The following SLC22A5 variants were observed in gnomAD, a reference collection of about 807,000 sequenced individuals.
SLC22A5 encodes organic cation/carnitine transporter 2.
A neutral mutation model predicts 56.7 loss-of-function variants in SLC22A5; 44 were observed. The ratio of observed to expected loss-of-function variants is 0.78; its 90% CI spans 0.61 to 1.00. The LOEUF is 1.00. Among genes scored for constraint, SLC22A5 ranks in the 50% least tolerant of loss-of-function variants. The probability of loss-of-function intolerance (pLI) is 0.00; values close to 1 mark genes in which losing one functional copy is unlikely to be tolerated. For synonymous variants in SLC22A5, 278 were observed against 292.1 expected, an observed-to-expected ratio of 0.95 and a Z score of 0.49; for missense variants, 675 against 723.0, an observed-to-expected ratio of 0.93 and a Z score of 0.76.
chr5:132,374,952 G>T (rs1055271092), intron 1 of SLC22A5, among the ~76,000 whole-genome samples: 1 of 152,170 alleles, frequency 6.6e-6, no homozygotes, highest in African/African-American at 2.4e-5. Context: ...CACTCAGGAG[G>T]CTGAGGCATG....
Position 132,394,220 on chromosome 5 carries a change from T to C in SLC22A5, c.1622T>C (p.Met541Thr), listed in dbSNP as rs1311442052. The C allele has an allele frequency of 6.2e-7, 1 of 1,613,772 alleles. No homozygotes were observed. Among genetic ancestry groups the C allele is most frequent in the Admixed American group, 1.7e-5 (1 of 60,032 alleles). ...AGAAAAACTCCAAGTCACACAAGGA[T>C]GTTAAAAGATGGTCAAGAAAGGCCC... The part of the protein sequence containing the change: ...KHRKTPSHTR[M>T]LKDGQERPTI... The change falls in exon 10 of 10, where the codon ATG (methionine) becomes ACG (threonine). Residue 541 changes from methionine to threonine, a missense_variant. Physicochemically the swap from Met to Thr is moderately conservative, Grantham distance 81. Transcript: ENST00000245407.
chr5:132,387,972 G>A (rs1168588857), intron 5 of SLC22A5: 1 of 153,224 alleles, frequency 6.5e-6, no homozygotes, highest in African/African-American at 2.4e-5. Context: ...CCCTGCTGAA[G>A]TGTGAGAGGC....
In SLC22A5 at chr5:132,395,311, T is replaced by G. The variant is rs1752839356; in HGVS notation, c.*1039T>G. On this transcript the variant is annotated 3_prime_UTR_variant, in exon 10 of 10. Coordinates refer to ENST00000245407, the MANE Select transcript of SLC22A5 (RefSeq NM_003060.4). ...CCCTAGCCTCTAGCACTTCTCTAAGTGCCAAAAACAGTGTCATTGTGTGTG... is the reference window on the plus strand; with the variant it reads ...CCCTAGCCTCTAGCACTTCTCTAAGGGCCAAAAACAGTGTCATTGTGTGTG... 6.6e-6 allele frequency: 1 copy of G among 150,828 alleles called. No individual in the cohort carries two copies. Among genetic ancestry groups the G allele is most frequent in the Non-Finnish European group, 1.5e-5 (1 of 66,804 alleles). The allele number at this position is 150,828 out of a possible 1,614,324, so 9.3% of individuals were successfully genotyped here.
intron 9 of SLC22A5, 86 bp downstream of exon 9, chr5:132,393,897 A>G: frequency 6.8e-7 from 1 of 1,480,478 alleles, no homozygotes; most frequent in Non-Finnish European, 9.4e-7. Context: ...AGCTACTCGC[A>G]AACTCCCTCT....
chr5:132,370,690 TG>T (rs1477731794), intron 1 of SLC22A5, among the ~76,000 whole-genome samples: 1 of 152,176 alleles, frequency 6.6e-6, no homozygotes, highest in Non-Finnish European at 1.5e-5. Context: ...TTACTCTAGT[TG>T]GGGTTGGGGG....
At chr5:132,377,923 G>A (rs1409644926) in intron 1 of SLC22A5, 2 of 586,864 alleles carry the variant, frequency 3.4e-6, no homozygotes, top group South Asian at 4.1e-5. Context: ...TCTGTGCCCT[G>A]GCCTTAGTTT....
intron 1 of SLC22A5, among the ~76,000 whole-genome samples, chr5:132,373,614 C>T (rs965678131): frequency 5.9e-5 from 9 of 151,898 alleles, no homozygotes; most frequent in Admixed American, 2.6e-4. Context: ...CTAGCCTGGG[C>T]GACAAAGCGA....
chr5:132,369,718 C>T lies in SLC22A5; in HGVS notation c.-255C>T, dbSNP rs140331558. On this transcript the variant is annotated 5_prime_UTR_variant, in exon 1 of 10. Transcript: ENST00000245407. ...CGTCCCGCCCCAGCTCCGCCTTCGC[C>T]GGCGCCGCTCTGCCTGCCAGCGGGG... 16 of 440,238 alleles carry T rather than the reference C, an allele frequency of 3.6e-5. No individual in the cohort carries two copies. Among genetic ancestry groups the T allele is most frequent in the South Asian group, 2.9e-4 (5 of 17,406 alleles). 27.3% of individuals were successfully genotyped at this position (440,238 alleles called of 1,614,324 possible).
At chr5:132,375,654 A>G (rs1752117247) in intron 1 of SLC22A5, among the ~76,000 whole-genome samples, 1 of 152,234 alleles carries the variant, frequency 6.6e-6, no homozygotes, top group Non-Finnish European at 1.5e-5. Context: ...TGTAAATGAC[A>G]TAAAAACTGC....
intron 2 of SLC22A5, 121 bp downstream of exon 2, chr5:132,378,602 G>A: frequency 5.0e-6 from 4 of 799,414 alleles, no homozygotes; most frequent in Non-Finnish European, 8.9e-6. Context: ...TTAAAGAAGA[G>A]GAAGCTATGT....
chr5:132,370,395 C>T, intron 1 of SLC22A5, 30 bp downstream of exon 1: 2 of 1,608,600 alleles, frequency 1.2e-6, no homozygotes, highest in South Asian at 1.1e-5. Flanking sequence ...GGGGCTGAGA[C>T]CAGGGCTCGG....
chr5:132,395,556 A>G lies in SLC22A5; in HGVS notation c.*1284A>G, dbSNP rs187971062. 2 of 152,880 alleles carry G rather than the reference A, an allele frequency of 1.3e-5. No individual in the cohort carries two copies. The highest frequency in any genetic ancestry group is 3.8e-4 in the East Asian group (2 of 5,330). The allele number at this position is 152,880 out of a possible 1,614,324, so 9.5% of individuals were successfully genotyped here. A position where few individuals can be genotyped will look rare whatever the true frequency, so the allele number is the denominator to read the frequency against. The stretch of plus-strand genomic sequence containing the variant: ...GAACAAACATGTTTTTGTGAAAGCT[A>G]CTGAAGTGCCTTGGGAAATGAGAAA... On this transcript the variant is annotated 3_prime_UTR_variant, in exon 10 of 10. Transcript: ENST00000245407.
At chr5:132,389,885 C>T (rs1752644992) in intron 6 of SLC22A5, 1 of 154,498 alleles carries the variant, frequency 6.5e-6, no homozygotes, top group Non-Finnish European at 1.4e-5. Context: ...TGTGATGAGT[C>T]ACCCACTTTT....
At chr5:132,371,563 C>T (rs904375327) in intron 1 of SLC22A5, among the ~76,000 whole-genome samples, 11 of 152,060 alleles carry the variant, frequency 7.2e-5, no homozygotes, top group South Asian at 6.2e-4. Flanking sequence ...CACTCTAGCT[C>T]CCTGAAGTTT....
intron 2 of SLC22A5, chr5:132,382,607 A>C (rs1171527617): frequency 6.6e-6 from 1 of 152,184 alleles, no homozygotes; most frequent in Non-Finnish European, 1.5e-5. Flanking sequence ...CCCATGATCA[A>C]GGAGACCCTC....
At chr5:132,382,514 G>C (rs274562) in intron 2 of SLC22A5, 57,467 of 151,836 alleles carry the variant, frequency 0.38, 11,595 homozygotes, top group East Asian at 0.65. Context: ...TTGGTCTTCC[G>C]CACTATACTG....
At chr5:132,378,006 T>C (rs1374328942) in intron 1 of SLC22A5, 1 of 1,204,262 alleles carries the variant, frequency 8.3e-7, no homozygotes, top group South Asian at 1.6e-5. Flanking sequence ...TTCATGCCAA[T>C]GGCCTGAACC....
At chr5:132,390,328 C>T in intron 6 of SLC22A5, 1 of 365,428 alleles carries the variant, frequency 2.7e-6, no homozygotes, top group South Asian at 2.2e-5. Flanking sequence ...TCTCTAGCTC[C>T]TTCTGCAGTT....
chr5:132,389,268 C>G (rs1254968740), intron 6 of SLC22A5: 8 of 459,652 alleles, frequency 1.7e-5, no homozygotes, highest in African/African-American at 1.6e-4. Context: ...TGTGGGGAAT[C>G]TCTCCAGATC....
Sources: gnomAD v4.1 joint callset for allele counts (sites outside exome capture counted in the v4.1 genomes callset) on GRCh38, gnomAD v4.1.1 for gene constraint, MANE v1.5 for transcripts, NCBI Gene and HGNC (gene_info 2026-07-23, HGNC 2026-07-21) for gene names.